Variants in KCNIP1 observed in about 807,000 individuals in gnomAD.
KCNIP1 encodes the protein A-type potassium channel modulatory protein KCNIP1.
KCNIP1 carries 18 observed loss-of-function variants against 33.0 expected under a neutral mutation model. That is an observed-to-expected ratio of 0.55 (90% confidence interval 0.38 to 0.81). The LOEUF is 0.81. Ranked by LOEUF, KCNIP1 falls within the 30% of genes least tolerant of loss-of-function variation. KCNIP1 has a pLI of 0.00. For missense variants in KCNIP1, 238 were observed against 271.6 expected, an observed-to-expected ratio of 0.88 and a Z score of 0.87; for synonymous variants, 93 against 98.3, an observed-to-expected ratio of 0.95 and a Z score of 0.32.
At chr5:170,488,962 G>T (rs993285023) in intron 1 of KCNIP1, among the ~76,000 whole-genome samples, 1 of 152,190 alleles carries the variant, frequency 6.6e-6, no homozygotes, top group Non-Finnish European at 1.5e-5. Flanking sequence ...GTGAGGTGTG[G>T]GGTGTAATTA....
chr5:170,506,595 T>C (rs1008450715), intron 1 of KCNIP1, among the ~76,000 whole-genome samples: 2 of 152,198 alleles, frequency 1.3e-5, no homozygotes, highest in Non-Finnish European at 2.9e-5. Context: ...AGGTCTTTGC[T>C]TCTGTCTCCT....
chr5:170,540,602 G>C (rs1354148309), intron 1 of KCNIP1, among the ~76,000 whole-genome samples: 1 of 152,218 alleles, frequency 6.6e-6, no homozygotes, highest in Non-Finnish European at 1.5e-5. Context: ...TAATGACTGA[G>C]AAGATTGGGC....
intron 1 of KCNIP1, among the ~76,000 whole-genome samples, chr5:170,595,725 CTG>C (rs1758419780): frequency 6.6e-6 from 1 of 152,178 alleles, no homozygotes; most frequent in South Asian, 2.1e-4. Flanking sequence ...CAAGCTAAAA[CTG>C]AGAGATCTAA....
Position 170,367,414 on chromosome 5 carries a change from A to G in KCNIP1, c.88+13450A>G, listed in dbSNP as rs374433712. 6.4e-4 allele frequency among the ~76,000 whole-genome samples: 74 copies of G among 114,852 alleles called. 1 individual carries two copies. The highest frequency in any genetic ancestry group is 2.5e-3 in the African/African-American group (70 of 27,518). 75.3% of individuals were successfully genotyped at this position (114,852 alleles called of 152,430 possible). On this transcript the variant is annotated intron_variant, in intron 1 of 7. Transcript: ENST00000377360. ...GAAAGAAAGAAAGAAAGAAAGAAAG[A>G]AAGAAAGGAAAGAAAGAAAGAAAGG...
chr5:170,724,810 ATAAAG>A lies in KCNIP1; in HGVS notation c.435+1996_435+2000del, dbSNP rs562856999. On this transcript the variant is annotated intron_variant, in intron 5 of 7. Coordinates refer to ENST00000328939, the MANE Select transcript of KCNIP1 (RefSeq NM_014592.4). ...CTGAAAACTATAAAATATTGCTGAAATAAAGTAAAGAACTAAATAAACACAGAGAT... is the reference window on the plus strand; with the variant it reads ...CTGAAAACTATAAAATATTGCTGAAATAAAGAACTAAATAAACACAGAGAT... Among the ~76,000 whole-genome samples the A allele has an allele frequency of 5.3e-5, 8 of 152,354 alleles. 1 individual carries two copies. The South Asian group carries it at 1.7e-3, about 32-fold the overall frequency.
chr5:170,476,438 C>T (rs1756858836), intron 1 of KCNIP1, among the ~76,000 whole-genome samples: 1 of 152,194 alleles, frequency 6.6e-6, no homozygotes, highest in South Asian at 2.1e-4. Flanking sequence ...TGGTGTCATA[C>T]ATTAGATGGT....
At chr5:170,527,293 T>C (rs1755615389) in intron 1 of KCNIP1, among the ~76,000 whole-genome samples, 1 of 152,172 alleles carries the variant, frequency 6.6e-6, no homozygotes, top group Non-Finnish European at 1.5e-5. Context: ...TTCTGCCTTA[T>C]TACAAAAGAG....
intron 1 of KCNIP1, among the ~76,000 whole-genome samples, chr5:170,665,397 G>A (rs1761665903): frequency 6.6e-6 from 1 of 152,098 alleles, no homozygotes; most frequent in South Asian, 2.1e-4. Context: ...CAGCTGATCT[G>A]AGAGATCATC....
intron 1 of KCNIP1, among the ~76,000 whole-genome samples, chr5:170,610,589 C>T (rs890601438): frequency 6.6e-6 from 1 of 152,172 alleles, no homozygotes; most frequent in Non-Finnish European, 1.5e-5. Context: ...CTTAGGTGCA[C>T]CTTTCATTAA....
intron 1 of KCNIP1, among the ~76,000 whole-genome samples, chr5:170,573,817 T>C (rs1245288139): frequency 6.6e-6 from 1 of 152,222 alleles, no homozygotes; most frequent in East Asian, 1.9e-4. Context: ...TTATGGCCCA[T>C]AGAGCCATAA....
chr5:170,676,675 C>T (rs1762157329), intron 1 of KCNIP1, among the ~76,000 whole-genome samples: 1 of 152,162 alleles, frequency 6.6e-6, no homozygotes. Context: ...GCAGCAAGCC[C>T]TGTTGAGTCA....
chr5:170,611,659 C>T (rs992722320), intron 1 of KCNIP1, among the ~76,000 whole-genome samples: 35 of 152,352 alleles, frequency 2.3e-4, no homozygotes, highest in Admixed American at 6.5e-5. Flanking sequence ...CCCAACACCT[C>T]CCAAGCCCAC....
At chr5:170,709,373 G>A (rs566115194) in intron 1 of KCNIP1, among the ~76,000 whole-genome samples, 1 of 152,194 alleles carries the variant, frequency 6.6e-6, no homozygotes, top group Non-Finnish European at 1.5e-5. Context: ...CTTCCTAGCA[G>A]ATGGGCCCTT....
intron 1 of KCNIP1, among the ~76,000 whole-genome samples, chr5:170,628,779 T>C (rs993263239): frequency 6.6e-6 from 1 of 152,234 alleles, no homozygotes; most frequent in Admixed American, 6.5e-5. Context: ...GCAGGGGAGC[T>C]GCTGCACTCG....
chr5:170,457,793 A>AC (rs1208580146), intron 1 of KCNIP1, among the ~76,000 whole-genome samples: 1 of 152,092 alleles, frequency 6.6e-6, no homozygotes, highest in Non-Finnish European at 1.5e-5. Context: ...GTTCCTTAAT[A>AC]CCCCCCAAAA....
At position 170,401,745 on chromosome 5, in the gene KCNIP1, T is replaced by C. The variant is rs527379205; in HGVS notation, c.88+47781T>C. 1.5e-3 allele frequency among the ~76,000 whole-genome samples: 230 copies of C among 151,532 alleles called. 3 individuals carry two copies. Among genetic ancestry groups the C allele is most frequent in the African/African-American group, 5.3e-3 (219 of 41,280 alleles). ...CCACTGCACTTTAGCTTGAGTGACG[T>C]TGAGACTCTGTCAAAAAAAAAAAAA... On this transcript the variant is annotated intron_variant, in intron 1 of 7. Coordinates refer to the KCNIP1 transcript ENST00000377360.
At chr5:170,402,625 G>C (rs963857449) in intron 1 of KCNIP1, among the ~76,000 whole-genome samples, 11 of 152,166 alleles carry the variant, frequency 7.2e-5, no homozygotes, top group Non-Finnish European at 1.6e-4. Context: ...AGACACATTG[G>C]CCTGGAAGTG....
intron 1 of KCNIP1, among the ~76,000 whole-genome samples, chr5:170,381,197 A>G (rs989990579): frequency 2.0e-5 from 3 of 152,096 alleles, no homozygotes; most frequent in Non-Finnish European, 4.4e-5. Context: ...TTCACTCTTC[A>G]TGGCCAAACC....
chr5:170,469,507 C>T (rs1316685694), intron 1 of KCNIP1, among the ~76,000 whole-genome samples: 1 of 152,208 alleles, frequency 6.6e-6, no homozygotes, highest in Non-Finnish European at 1.5e-5. Flanking sequence ...GGTGTGGCCT[C>T]ATGCCTCCCC....
Sources: gnomAD v4.1 joint callset for allele counts (sites outside exome capture counted in the v4.1 genomes callset) on GRCh38, gnomAD v4.1.1 for gene constraint, MANE v1.5 for transcripts, NCBI Gene and HGNC (gene_info 2026-07-23, HGNC 2026-07-21) for gene names.